Variants in POMT2 observed in about 807,000 individuals in gnomAD.
POMT2 encodes the protein protein O-mannosyltransferase 2, also known as protein O-mannosyl-transferase 2.
In POMT2, 75 loss-of-function variants were observed where a neutral mutation model predicts 100.0. The ratio of observed to expected loss-of-function variants is 0.75; its 90% confidence interval spans 0.62 to 0.91. The LOEUF (loss-of-function observed/expected upper bound fraction) is 0.91. Among genes scored for constraint, POMT2 ranks in the 40% least tolerant of loss-of-function variants. The probability of loss-of-function intolerance (pLI) is 0.00; values close to 1 mark genes in which losing one functional copy is unlikely to be tolerated. For missense variants in POMT2, 940 were observed against 955.1 expected (o/e 0.98, Z 0.21); for synonymous variants, 378 against 374.1 (o/e 1.01, Z -0.12).
At chr14:77,299,978 A>C in intron 6 of POMT2, 3 of 290,334 alleles carry the variant, frequency 1.0e-5, no homozygotes, top group Non-Finnish European at 1.3e-5. Flanking sequence ...GCTTCCTTCC[A>C]GAGGCCTTCC....
intron 1 of POMT2, among the ~76,000 whole-genome samples, chr14:77,317,441 T>C (rs1891674160): frequency 6.6e-6 from 1 of 152,236 alleles, no homozygotes; most frequent in African/African-American, 2.4e-5. Context: ...CATATCTTTT[T>C]GTCGCAATGG....
rs114228113 is a variant in POMT2, at chr14:77,278,011, G to A, written c.2147+383C>T. Among the ~76,000 whole-genome samples the A allele has an allele frequency of 3.3e-3, 508 of 151,944 alleles. 3 individuals carry two copies. The highest frequency in any genetic ancestry group is 0.012 in the African/African-American group (477 of 41,410). ...CCGGTTCCCCCCTCCCTCACCCGGA[G>A]AGCTGTTCTGACAGGGGGCCATGGT... On this transcript the variant is annotated intron_variant, in intron 20 of 20. Coordinates refer to ENST00000261534, the MANE Select transcript of POMT2 (RefSeq NM_013382.7).
intron 14 of POMT2, 113 bp from the exon 15 acceptor site, chr14:77,283,986 A>G: frequency 1.1e-6 from 1 of 905,510 alleles, no homozygotes; most frequent in Non-Finnish European, 1.8e-6. Flanking sequence ...ACAAGTTCAC[A>G]ACTGTTGAGG....
intron 9 of POMT2, among the ~76,000 whole-genome samples, chr14:77,293,653 A>G (rs1890721448): frequency 1.3e-5 from 2 of 152,246 alleles, no homozygotes; most frequent in African/African-American, 4.8e-5. Flanking sequence ...ATTTAGTCCA[A>G]TCCCCTCAAT....
At chr14:77,306,020 A>G (rs1336263478) in intron 3 of POMT2, among the ~76,000 whole-genome samples, 1 of 151,788 alleles carries the variant, frequency 6.6e-6, no homozygotes, top group Non-Finnish European at 1.5e-5. Context: ...GCTGCAGGAG[A>G]CTCCTGATTG....
intron 18 of POMT2, chr14:77,279,073 G>C (rs1267811451): frequency 1.4e-6 from 1 of 691,530 alleles, no homozygotes; most frequent in African/African-American, 1.8e-5. Flanking sequence ...GTGAGGCCTG[G>C]GCACCAATGG....
intron 2 of POMT2, chr14:77,306,737 T>C: frequency 2.7e-6 from 1 of 365,626 alleles, no homozygotes; most frequent in Non-Finnish European, 5.3e-6. Flanking sequence ...GTAGAGTCAG[T>C]AAGGGGCTCT....
chr14:77,311,541 T>C (rs1238517996), intron 2 of POMT2, among the ~76,000 whole-genome samples: 1 of 152,248 alleles, frequency 6.6e-6, no homozygotes, highest in East Asian at 1.9e-4. Flanking sequence ...ACTTTGTGTC[T>C]CTGCGGATTT....
chr14:77,320,883 C>A lies in POMT2; in HGVS notation c.-202G>T. The A allele has an allele frequency of 9.0e-7, 1 of 1,116,696 alleles. No homozygotes were observed. Among genetic ancestry groups the A allele is most frequent in the Non-Finnish European group, 1.2e-6 (1 of 850,210 alleles). 69.2% of individuals were successfully genotyped at this position (1,116,696 alleles called of 1,614,324 possible). A position where few individuals can be genotyped will look rare whatever the true frequency, so the allele number is the denominator to read the frequency against. On this transcript the variant is annotated 5_prime_UTR_variant, in exon 1 of 21. Transcript: ENST00000261534. Reference sequence around the variant, plus strand: ...GGCCGCTAGGAGGCGGCAGGAGGCGCAGAGCATGTCGGGACCGGGAGGGCC... The same window carrying A: ...GGCCGCTAGGAGGCGGCAGGAGGCGAAGAGCATGTCGGGACCGGGAGGGCC...
chr14:77,309,711 C>T (rs972318870), intron 2 of POMT2, among the ~76,000 whole-genome samples: 3 of 152,088 alleles, frequency 2.0e-5, no homozygotes, highest in African/African-American at 7.2e-5. Context: ...GAGATGGAGT[C>T]TTGCTCAGTC....
chr14:77,299,760 C>A, intron 6 of POMT2, 199 bp from the exon 7 acceptor site: 1 of 548,138 alleles, frequency 1.8e-6, no homozygotes, highest in Non-Finnish European at 3.4e-6. Context: ...TAAACATGGG[C>A]CAGCCCTCTG....
In POMT2 at chr14:77,302,843, G is replaced by T. The variant is rs147871747; in HGVS notation, c.648C>A (p.Cys216Ter). Residue 216 changes from cysteine to a stop codon, truncating the protein, a stop_gained, in exon 5 of 21, where the codon TGC (cysteine) becomes TGA (stop). Coordinates refer to ENST00000261534, the MANE Select transcript of POMT2 (RefSeq NM_013382.7). LOFTEE classifies it high-confidence loss of function. ...GGGATGGAGTTTCTGACCTGTCGGC[G>T]CAAGAGTTGTACTTGACCATGCTCA... ...AMLSMVKYNS[C>*]ADRPFSAPWW... 1.2e-6 allele frequency: 2 copies of T among 1,611,054 alleles called. No homozygotes were observed. Among genetic ancestry groups the T allele is most frequent in the Admixed American group, 1.7e-5 (1 of 59,980 alleles).
chr14:77,319,766 C>T lies in POMT2; in HGVS notation c.248+668G>A, dbSNP rs541510169. Reference sequence around the variant, plus strand: ...TGTAATAAAGTCCTTTGTCTCTAACCCAGGAGTCTCATCTTCTGCCAGCAG... The same window carrying T: ...TGTAATAAAGTCCTTTGTCTCTAACTCAGGAGTCTCATCTTCTGCCAGCAG... On this transcript the variant is annotated intron_variant, in intron 1 of 20. Transcript: ENST00000261534. 6.6e-5 allele frequency among the ~76,000 whole-genome samples: 10 copies of T among 152,328 alleles called. No individual in the cohort carries two copies. The South Asian group carries it at 2.1e-3, about 32-fold the overall frequency.
chr14:77,293,991 G>A (rs1890734170), intron 9 of POMT2, among the ~76,000 whole-genome samples: 1 of 152,154 alleles, frequency 6.6e-6, no homozygotes, highest in South Asian at 2.1e-4. Context: ...AATTTGGACA[G>A]CTTAAAACCA....
chr14:77,282,792 A>G (rs1344817872), intron 15 of POMT2, among the ~76,000 whole-genome samples: 4 of 152,236 alleles, frequency 2.6e-5, no homozygotes, highest in African/African-American at 4.8e-5. Context: ...TACTGCTTAC[A>G]TAATCACTTC....
chr14:77,308,363 T>TG (rs956963509), intron 2 of POMT2, among the ~76,000 whole-genome samples: 106 of 149,808 alleles, frequency 7.1e-4, no homozygotes, highest in Non-Finnish European at 9.7e-4. Context: ...TTTGTTTTTT[T>TG]TTTTTTTTTG....
Position 77,311,825 on chromosome 14 carries a change from A to T in POMT2, c.333+124T>A, listed in dbSNP as rs1178994104. ...ATGAAAGTAGCTGGTCTGAAATGTC[A>T]GAAAATTCTTTCTACAAGTCCCAAA... On this transcript the variant is annotated intron_variant, in intron 2 of 20. Coordinates refer to ENST00000261534, the MANE Select transcript of POMT2 (RefSeq NM_013382.7). The T allele has an allele frequency of 8.2e-6, 12 of 1,456,700 alleles. No homozygotes were observed. In the Admixed American group the frequency reaches 3.2e-4, roughly 39 times the overall value. The allele number at this position is 1,456,700 out of a possible 1,614,324, so 90.2% of individuals were successfully genotyped here.
At chr14:77,309,532 A>T (rs1891361961) in intron 2 of POMT2, among the ~76,000 whole-genome samples, 1 of 152,116 alleles carries the variant, frequency 6.6e-6, no homozygotes, top group Non-Finnish European at 1.5e-5. Flanking sequence ...CTCTCTTTCA[A>T]CCAGACAGAA....
At chr14:77,296,058 TG>T in intron 9 of POMT2, 105 bp downstream of exon 9, 1 of 918,074 alleles carries the variant, frequency 1.1e-6, no homozygotes, top group Non-Finnish European at 1.7e-6. Context: ...CTAGGAAGAA[TG>T]TTTCAAGCAG....
Sources: gnomAD v4.1 joint callset for allele counts (sites outside exome capture counted in the v4.1 genomes callset) on GRCh38, gnomAD v4.1.1 for gene constraint, MANE v1.5 for transcripts, NCBI Gene and HGNC (gene_info 2026-07-23, HGNC 2026-07-21) for gene names.